SHLD1: variants seen among roughly 807,000 people sequenced by gnomAD.
SHLD1 encodes the protein shieldin complex subunit 1, also known as RINN1-REV7-interacting novel NHEJ regulator 3.
Under a neutral mutation model 5.5 loss-of-function variants are expected in SHLD1, and 3 were observed. That is an observed-to-expected ratio of 0.54 (90% CI 0.25 to 1.40). SHLD1 has a LOEUF of 1.40. SHLD1 is among the 40% of genes most tolerant of loss of function. The pLI, the probability that SHLD1 is intolerant of heterozygous loss-of-function variation, is 0.15. For synonymous variants in SHLD1, 92 were observed against 94.3 expected, an observed-to-expected ratio of 0.98 and a Z score of 0.14; for missense variants, 210 against 244.4, an observed-to-expected ratio of 0.86 and a Z score of 0.94.
In SHLD1 at chr20:5,863,451, G is replaced by A. The variant is rs772812366; in HGVS notation, c.606G>A (p.Met202Ile). Residue 202 changes from methionine (M) to isoleucine (I), a missense_variant, in exon 3 of 3, where the codon ATG becomes ATA. Transcript: ENST00000303142. ...ITHFLLQQNV[M>I]KDL ...ATTTCCTCTTGCAGCAGAATGTAATGAAAGACCTGTAACTGGTGCCGGGCA... is the reference window on the plus strand; with the variant it reads ...ATTTCCTCTTGCAGCAGAATGTAATAAAAGACCTGTAACTGGTGCCGGGCA... The A allele has an allele frequency of 2.6e-5, 42 of 1,601,182 alleles. No individual in the cohort carries two copies. The Admixed American group carries it at 6.6e-4, about 25-fold the overall frequency.
intron 2 of SHLD1, among the ~76,000 whole-genome samples, chr20:5,774,719 A>G (rs1307374268): frequency 6.6e-6 from 1 of 152,134 alleles, no homozygotes; most frequent in African/African-American, 2.4e-5. Flanking sequence ...GGTGCTGTAA[A>G]CCAATTAGGA....
intron 2 of SHLD1, among the ~76,000 whole-genome samples, chr20:5,840,712 C>T (rs1480668976): frequency 6.6e-6 from 1 of 152,170 alleles, no homozygotes; most frequent in Admixed American, 6.5e-5. Flanking sequence ...AAAAGCTAGG[C>T]CTAAAGTCCA....
intron 1 of SHLD1, among the ~76,000 whole-genome samples, chr20:5,759,129 T>C (rs944419215): frequency 5.9e-5 from 9 of 151,796 alleles, no homozygotes; most frequent in Admixed American, 5.9e-4. Flanking sequence ...TAATTTTTTG[T>C]ATTTTTAGTA....
intron 2 of SHLD1, among the ~76,000 whole-genome samples, chr20:5,831,043 A>T (rs941090628): frequency 5.9e-5 from 9 of 152,238 alleles, no homozygotes; most frequent in Non-Finnish European, 1.3e-4. Flanking sequence ...AGGCATTGCA[A>T]TAATTTAAGG....
intron 2 of SHLD1, among the ~76,000 whole-genome samples, chr20:5,809,848 C>T (rs924099509): frequency 2.0e-5 from 3 of 152,020 alleles, no homozygotes; most frequent in Non-Finnish European, 2.9e-5. Flanking sequence ...TTATCTAGCC[C>T]GATAGCGCTG....
chr20:5,773,407 C>T (rs6116948), intron 2 of SHLD1: 1 of 528,014 alleles, frequency 1.9e-6, no homozygotes, highest in East Asian at 3.1e-5. Flanking sequence ...CAATGTGGGC[C>T]TGTTATGTGT....
intron 2 of SHLD1, among the ~76,000 whole-genome samples, chr20:5,826,188 T>C (rs896104825): frequency 1.2e-4 from 18 of 152,252 alleles, no homozygotes; most frequent in African/African-American, 4.1e-4. Flanking sequence ...GTTTATTGTT[T>C]GCAGATGGTA....
chr20:5,812,078 T>TTC, intron 2 of SHLD1, among the ~76,000 whole-genome samples: 2 of 150,152 alleles, frequency 1.3e-5, no homozygotes, highest in South Asian at 2.1e-4. Flanking sequence ...TCTTTTTTTT[T>TTC]TCTTTTTTTT....
At chr20:5,861,443 A>G (rs1357484546) in intron 2 of SHLD1, among the ~76,000 whole-genome samples, 1 of 152,238 alleles carries the variant, frequency 6.6e-6, no homozygotes, top group Non-Finnish European at 1.5e-5. Context: ...TATCTTCAAC[A>G]ACTTGTAATG....
intron 2 of SHLD1, among the ~76,000 whole-genome samples, chr20:5,807,258 G>A (rs1478571679): frequency 6.6e-6 from 1 of 152,102 alleles, no homozygotes. Flanking sequence ...ACCCATCCCA[G>A]TTTTCAAAGC....
chr20:5,841,170 A>AGTGT lies in SHLD1; in HGVS notation c.179-21824_179-21821dup, dbSNP rs11469039. ...CATCCATAACTTACTGAAAATAGCG[A>AGTGT]GTGTGTGTGTGTGTGTGTGTGTGTG... is the stretch of plus-strand genomic sequence containing the variant. On this transcript the variant is annotated intron_variant, in intron 2 of 2. Coordinates refer to ENST00000303142, the MANE Select transcript of SHLD1 (RefSeq NM_152504.4). Among the ~76,000 whole-genome samples, 877 of 146,396 alleles carry AGTGT rather than the reference A, an allele frequency of 6.0e-3. 7 individuals carry two copies. The highest frequency in any genetic ancestry group is 7.3e-3 in the African/African-American group (295 of 40,520).
chr20:5,859,515 C>T (rs144291655), intron 2 of SHLD1, among the ~76,000 whole-genome samples: 1 of 152,246 alleles, frequency 6.6e-6, no homozygotes, highest in African/African-American at 2.4e-5. Flanking sequence ...TTGAACGTAA[C>T]TGGGAGGATG....
chr20:5,803,113 G>A (rs1438896741), intron 2 of SHLD1, among the ~76,000 whole-genome samples: 1 of 152,076 alleles, frequency 6.6e-6, no homozygotes, highest in African/African-American at 2.4e-5. Flanking sequence ...AAGACCAGGG[G>A]GCCTTGTGAA....
chr20:5,813,129 A>G (rs13042173), intron 2 of SHLD1, among the ~76,000 whole-genome samples: 92,167 of 151,210 alleles, frequency 0.61, 29,008 homozygotes, highest in Non-Finnish European at 0.7. Flanking sequence ...ACTCGCCTCG[A>G]CCTCCCAAAG....
chr20:5,837,469 C>T (rs1600168139), intron 2 of SHLD1, among the ~76,000 whole-genome samples: 1 of 151,676 alleles, frequency 6.6e-6, no homozygotes, highest in Non-Finnish European at 1.5e-5. Context: ...CCCCACACAC[C>T]CCCCACCTCC....
chr20:5,772,110 A>G, intron 1 of SHLD1: 1 of 434,982 alleles, frequency 2.3e-6, no homozygotes, highest in Non-Finnish European at 4.7e-6. Context: ...TCCTGACCTC[A>G]GGTGATCCAC....
intron 2 of SHLD1, among the ~76,000 whole-genome samples, chr20:5,774,590 C>T (rs79903324): frequency 0.01 from 1,546 of 152,140 alleles, 22 homozygotes; most frequent in African/African-American, 0.033. Flanking sequence ...TCAATCAGGG[C>T]GGAAGGCAAA....
At position 5,863,442 on chromosome 20, in the gene SHLD1, G is replaced by C; in HGVS notation, c.597G>C (p.Gln199His). ...ATATTACTCATTTCCTCTTGCAGCA[G>C]AATGTAATGAAAGACCTGTAACTGG... ...SKDITHFLLQ[Q>H]NVMKDL The change falls in exon 3 of 3, where the codon CAG (glutamine) becomes CAC (histidine). Residue 199 changes from glutamine to histidine, a missense_variant. Transcript: ENST00000303142. The C allele has an allele frequency of 6.2e-7, 1 of 1,604,666 alleles. No homozygotes were observed. The highest frequency in any genetic ancestry group is 8.5e-7 in the Non-Finnish European group (1 of 1,175,636).
intron 2 of SHLD1, among the ~76,000 whole-genome samples, chr20:5,827,283 A>G (rs970498123): frequency 4.6e-5 from 7 of 152,158 alleles, no homozygotes; most frequent in Non-Finnish European, 1.0e-4. Flanking sequence ...GGATGTAAAT[A>G]GTCCAACCTT....
Sources: gnomAD v4.1 joint callset for allele counts (sites outside exome capture counted in the v4.1 genomes callset) on GRCh38, gnomAD v4.1.1 for gene constraint, MANE v1.5 for transcripts, NCBI Gene and HGNC (gene_info 2026-07-23, HGNC 2026-07-21) for gene names.